Variants in HECTD4 observed in about 807,000 individuals in gnomAD.
HECTD4 encodes the protein probable E3 ubiquitin-protein ligase HECTD4.
HECTD4 carries 114 observed loss-of-function variants against 471.5 expected under a neutral mutation model. The observed-to-expected ratio is 0.24, with a 90% CI of 0.21 to 0.28. The LOEUF (loss-of-function observed/expected upper bound fraction) is 0.28. HECTD4 is among the 10% of genes least tolerant of loss of function. HECTD4 has a pLI of 1.00. For synonymous variants in HECTD4, 2,012 were observed against 2,256.0 expected (o/e 0.89, Z 3.07); for missense variants, 3,866 against 5,651.5 (o/e 0.68, Z 10.13).
intron 1 of HECTD4, among the ~76,000 whole-genome samples, chr12:112,354,525 G>C (rs2036298629): frequency 6.6e-6 from 1 of 152,096 alleles, no homozygotes; most frequent in Non-Finnish European, 1.5e-5. Context: ...CGTCTCTACA[G>C]AAGATATAAA....
chr12:112,183,750 C>A (rs925730797), intron 61 of HECTD4, among the ~76,000 whole-genome samples: 1 of 152,192 alleles, frequency 6.6e-6, no homozygotes, highest in African/African-American at 2.4e-5. Context: ...TACATGGGAT[C>A]CTGAAGTGGA....
At chr12:112,269,553 C>A (rs966725179) in intron 13 of HECTD4, 151 bp downstream of exon 13, 18 of 787,724 alleles carry the variant, frequency 2.3e-5, no homozygotes, top group Non-Finnish European at 9.9e-6. Context: ...GGGCCACAAA[C>A]CCCTCTCCAG....
At chr12:112,295,615 C>T (rs2034990929) in intron 7 of HECTD4, among the ~76,000 whole-genome samples, 1 of 150,864 alleles carries the variant, frequency 6.6e-6, no homozygotes, top group South Asian at 2.1e-4. Context: ...GCTGGGATTA[C>T]AGGCATGAGC....
In HECTD4 at chr12:112,163,793, G is replaced by A; in HGVS notation, c.12702-56C>T. On this transcript the variant is annotated intron_variant, in intron 73 of 75. Transcript: ENST00000682272. This position sits in a 1 kb window ranked among gnomAD's most constrained non-coding sequence, Gnocchi z 8.2. Reference sequence around the variant, plus strand: ...AACACCGCCGAAGAGGCTGGGTCTGGGGGCCACACCCACTCAGCTGGAGGT... The same window carrying A: ...AACACCGCCGAAGAGGCTGGGTCTGAGGGCCACACCCACTCAGCTGGAGGT... 2.2e-6 allele frequency: 3 copies of A among 1,377,068 alleles called. No individual in the cohort carries two copies. Among genetic ancestry groups the A allele is most frequent in the Non-Finnish European group, 1.9e-6 (2 of 1,050,022 alleles). The allele number at this position is 1,377,068 out of a possible 1,614,324, so 85.3% of individuals were successfully genotyped here.
At chr12:112,374,601 A>G (rs191105637) in intron 1 of HECTD4, among the ~76,000 whole-genome samples, 1 of 152,316 alleles carries the variant, frequency 6.6e-6, no homozygotes, top group Non-Finnish European at 1.5e-5. Flanking sequence ...GGTAATCAAC[A>G]CTACTGGTGA....
intron 1 of HECTD4, among the ~76,000 whole-genome samples, chr12:112,362,876 A>G (rs975519456): frequency 2.0e-5 from 3 of 151,970 alleles, no homozygotes; most frequent in African/African-American, 7.2e-5. Context: ...TAATTTTTGT[A>G]TATTTAGTAG....
chr12:112,296,260 G>C (rs1403945379), intron 7 of HECTD4, among the ~76,000 whole-genome samples: 1 of 151,940 alleles, frequency 6.6e-6, no homozygotes, highest in African/African-American at 2.4e-5. Context: ...AGATGCAGTG[G>C]ATGTAGGTAC....
At chr12:112,268,481 C>T (rs749938156) in intron 13 of HECTD4, among the ~76,000 whole-genome samples, 6 of 152,166 alleles carry the variant, frequency 3.9e-5, no homozygotes, top group Non-Finnish European at 5.9e-5. Context: ...TGAGGCCAGG[C>T]GTGGTGGCTC....
intron 1 of HECTD4, among the ~76,000 whole-genome samples, chr12:112,342,178 G>C (rs988387192): frequency 6.6e-6 from 1 of 152,170 alleles, no homozygotes; most frequent in Non-Finnish European, 1.5e-5. Flanking sequence ...ACTAAAGGCC[G>C]GGCATGGTGG....
intron 43 of HECTD4, 40 bp from the exon 44 acceptor site, chr12:112,226,798 T>C (rs1711781753): frequency 7.0e-7 from 1 of 1,437,368 alleles, no homozygotes; most frequent in African/African-American, 1.4e-5. Flanking sequence ...AAGTCATCAG[T>C]GTTCATTGTC....
intron 1 of HECTD4, chr12:112,322,370 CA>C: frequency 7.0e-6 from 1 of 143,230 alleles, no homozygotes; most frequent in Non-Finnish European, 1.5e-5. Flanking sequence ...GACCCTGTCT[CA>C]AAAAAGAAAA....
intron 1 of HECTD4, among the ~76,000 whole-genome samples, chr12:112,349,005 TATG>T (rs2036204656): frequency 6.6e-6 from 1 of 152,164 alleles, no homozygotes; most frequent in African/African-American, 2.4e-5. Context: ...GGAGGAGGGA[TATG>T]ATATCCTGGT....
chr12:112,371,409 C>A (rs1348409749), intron 1 of HECTD4, among the ~76,000 whole-genome samples: 1 of 151,936 alleles, frequency 6.6e-6, no homozygotes, highest in Non-Finnish European at 1.5e-5. Context: ...AACCCCATCT[C>A]TTCTAAAAAT....
intron 9 of HECTD4, among the ~76,000 whole-genome samples, chr12:112,276,759 T>C (rs1475017356): frequency 1.3e-5 from 2 of 152,082 alleles, no homozygotes; most frequent in Admixed American, 6.6e-5. Context: ...ACCCAATCTT[T>C]AAATGGATAA....
At chr12:112,370,601 T>A (rs2036647526) in intron 1 of HECTD4, among the ~76,000 whole-genome samples, 1 of 152,156 alleles carries the variant, frequency 6.6e-6, no homozygotes, top group Non-Finnish European at 1.5e-5. Context: ...AAAAATAGAA[T>A]GTGTTATATA....
Position 112,184,533 on chromosome 12 carries a change from G to A in HECTD4, c.10433C>T (p.Thr3478Ile), listed in dbSNP as rs757605134. Residue 3478 changes from threonine to isoleucine, a missense_variant, in exon 61 of 76, where the codon ACC (threonine) becomes ATC (isoleucine). Thr to Ile is a moderately conservative substitution (Grantham distance 89). Around this residue, in one of 16 missense-constraint regions of HECTD4, gnomAD observed 192 missense variants for 189.9 expected, o/e 1.01. Coordinates refer to ENST00000682272, the MANE Select transcript of HECTD4 (RefSeq NM_001388303.1). This position sits in a 1 kb window ranked among gnomAD's most constrained non-coding sequence, Gnocchi z 9.1. ...GGAGGCGCTGATGCTCATGGCGGGG[G>A]TCAGGCTGCTGGACGTGCTGACCTC... The part of the protein sequence containing the change: ...SMEVSTSSSL[T>I]PAMSISASAS... 3 of 1,611,450 alleles carry A rather than the reference G, an allele frequency of 1.9e-6. No individual in the cohort carries two copies. Among genetic ancestry groups the A allele is most frequent in the East Asian group, 2.2e-5 (1 of 44,874 alleles).
chr12:112,165,349 AT>A (rs35375585), intron 72 of HECTD4, among the ~76,000 whole-genome samples: 7,479 of 128,448 alleles, frequency 0.058, 211 homozygotes, highest in Middle Eastern at 0.1. Context: ...AGAGCAACTA[AT>A]TTTTTTTTTT....
chr12:112,242,536 C>A (rs563762977), intron 32 of HECTD4, among the ~76,000 whole-genome samples: 31 of 151,594 alleles, frequency 2.0e-4, no homozygotes, highest in African/African-American at 7.0e-4. Flanking sequence ...TCGCTTGAGC[C>A]TGGGGAGGTC....
intron 44 of HECTD4, among the ~76,000 whole-genome samples, chr12:112,223,623 T>C (rs1455906339): frequency 6.6e-6 from 1 of 152,194 alleles, no homozygotes; most frequent in Admixed American, 6.5e-5. Flanking sequence ...CTTCACCATA[T>C]TGGCCAGGCT....
Sources: gnomAD v4.1 joint callset for allele counts (sites outside exome capture counted in the v4.1 genomes callset) on GRCh38, gnomAD v4.1.1 for gene constraint, gnomAD v4.1.1 regional missense constraint, Gnocchi (gnomAD v3.1) non-coding constraint, MANE v1.5 for transcripts, NCBI Gene and HGNC (gene_info 2026-07-23, HGNC 2026-07-21) for gene names.